The following AGMO variants were observed in gnomAD, a reference collection of about 807,000 sequenced individuals.
AGMO encodes the protein glyceryl-ether monooxygenase.
Under a neutral mutation model 60.2 loss-of-function variants are expected in AGMO, and 75 were observed. The ratio of observed to expected loss-of-function variants is 1.25; its 90% CI spans 1.03 to 1.51. AGMO has a LOEUF of 1.51. Among genes scored for constraint, AGMO ranks in the 40% most tolerant of loss-of-function variants. AGMO has a pLI of 0.00. For missense variants in AGMO, 763 were observed against 525.5 expected, an observed-to-expected ratio of 1.45 and a Z score of -4.42; for synonymous variants, 261 against 177.1, an observed-to-expected ratio of 1.47 and a Z score of -3.76.
chr7:15,204,067 T>C (rs1781377931), intron 12 of AGMO, among the ~76,000 whole-genome samples: 2 of 152,146 alleles, frequency 1.3e-5, no homozygotes. Context: ...TCTAAAAATA[T>C]GTGACTCTGA....
chr7:15,316,156 T>A (rs1234401360), intron 12 of AGMO, among the ~76,000 whole-genome samples: 1 of 152,128 alleles, frequency 6.6e-6, no homozygotes, highest in Admixed American at 6.6e-5. Flanking sequence ...ATCTTGGTAT[T>A]GGAGTTGCCA....
intron 3 of AGMO, among the ~76,000 whole-genome samples, chr7:15,472,157 T>C (rs528031515): frequency 1.3e-5 from 2 of 151,996 alleles, no homozygotes; most frequent in African/African-American, 2.4e-5. Flanking sequence ...ATCAAATGTA[T>C]AAACTTCACT....
At chr7:15,183,407 C>A in the AGMO span, among the ~76,000 whole-genome samples, 1 of 152,128 alleles carries the variant, frequency 6.6e-6, no homozygotes, top group Non-Finnish European at 1.5e-5. Flanking sequence ...TCATAATATT[C>A]TGATACAATT....
the AGMO span, among the ~76,000 whole-genome samples, chr7:15,154,333 G>GC: frequency 6.6e-6 from 1 of 152,116 alleles, no homozygotes; most frequent in East Asian, 1.9e-4. Flanking sequence ...GCAAAGAGGT[G>GC]CAAGATTTCT....
intron 6 of AGMO, 69 bp from the exon 7 acceptor site, chr7:15,390,974 G>A (rs1784115540): frequency 2.2e-6 from 2 of 927,378 alleles, no homozygotes. Flanking sequence ...CTTCCATCTT[G>A]TTTTTTAGAA....
chr7:15,218,327 A>ATATGTGTG (rs1554396498), intron 12 of AGMO, among the ~76,000 whole-genome samples: 11 of 144,020 alleles, frequency 7.6e-5, no homozygotes, highest in South Asian at 6.7e-4. Flanking sequence ...TGGTGTGTGT[A>ATATGTGTG]TGTGTGTGTG....
chr7:15,539,574 C>T (rs1032859316), intron 3 of AGMO, among the ~76,000 whole-genome samples: 2 of 152,104 alleles, frequency 1.3e-5, no homozygotes, highest in South Asian at 2.1e-4. Context: ...CATGTCTTTG[C>T]TATTGTGAAT....
intron 12 of AGMO, among the ~76,000 whole-genome samples, chr7:15,321,509 G>C (rs768280365): frequency 1.2e-4 from 18 of 152,176 alleles, no homozygotes; most frequent in Admixed American, 5.2e-4. Context: ...GAGTTCTTGA[G>C]AATGTTTTTG....
chr7:15,386,977 G>A (rs181712587), intron 9 of AGMO, among the ~76,000 whole-genome samples: 3 of 152,138 alleles, frequency 2.0e-5, no homozygotes, highest in Admixed American at 2.0e-4. Context: ...CTGTCTTAAT[G>A]TGACTTTAGA....
At chr7:15,393,380 T>C (rs1260840058) in intron 6 of AGMO, among the ~76,000 whole-genome samples, 1 of 152,252 alleles carries the variant, frequency 6.6e-6, no homozygotes, top group East Asian at 1.9e-4. Context: ...GTTTGTGAGA[T>C]TTATTCATGC....
At chr7:15,444,789 A>G (rs1050996992) in intron 3 of AGMO, among the ~76,000 whole-genome samples, 3 of 152,206 alleles carry the variant, frequency 2.0e-5, no homozygotes, top group Non-Finnish European at 4.4e-5. Flanking sequence ...GCTCCCAAGT[A>G]TGTATCTGCA....
chr7:15,164,135 T>C, the AGMO span, among the ~76,000 whole-genome samples: 1 of 151,868 alleles, frequency 6.6e-6, no homozygotes, highest in Non-Finnish European at 1.5e-5. Flanking sequence ...TCAACGAAAA[T>C]ATAGAATGGG....
Position 15,372,226 on chromosome 7 carries a change from G to A in AGMO, c.1075-6004C>T, listed in dbSNP as rs141294334. ...AGCACTTTACGACGCTGAGGTGAGC[G>A]GATCACTTGAGGTCAGGAGTTCAGG... On this transcript the variant is annotated intron_variant, in intron 10 of 12. Coordinates refer to ENST00000342526, the MANE Select transcript of AGMO (RefSeq NM_001004320.2). Among the ~76,000 whole-genome samples the A allele has an allele frequency of 3.9e-3, 589 of 152,050 alleles. 6 individuals are homozygous for A. Among genetic ancestry groups the A allele is most frequent in the African/African-American group, 0.014 (572 of 41,454 alleles).
intron 5 of AGMO, among the ~76,000 whole-genome samples, chr7:15,413,023 A>G (rs1780659068): frequency 6.6e-6 from 1 of 152,204 alleles, no homozygotes; most frequent in South Asian, 2.1e-4. Context: ...CAATTGAAGT[A>G]GACCTGAATA....
At chr7:15,364,553 C>G (rs1424924154) in intron 12 of AGMO, among the ~76,000 whole-genome samples, 2 of 151,982 alleles carry the variant, frequency 1.3e-5, no homozygotes, top group East Asian at 1.9e-4. Flanking sequence ...AATCTTACGT[C>G]ATGACAAATA....
At chr7:15,354,520 A>G (rs868805651) in intron 12 of AGMO, among the ~76,000 whole-genome samples, 2 of 94,692 alleles carry the variant, frequency 2.1e-5, no homozygotes, top group East Asian at 3.1e-4. Context: ...ATATATATAT[A>G]TATATATATA....
At chr7:15,466,881 C>G (rs7783003) in intron 3 of AGMO, among the ~76,000 whole-genome samples, 57,468 of 151,836 alleles carry the variant, frequency 0.38, 11,517 homozygotes, top group Non-Finnish European at 0.47. Context: ...CTGTCTTCTA[C>G]TATGTAAACA....
rs78835082 is a variant in AGMO at position 15,489,474 on chromosome 7, T to C, written c.409+55298A>G. ...CACATGTACAGTACATCCTGGACCT[T>C]TTGATGCTTTTGTCCTCCCTCCAAC... On this transcript the variant is annotated intron_variant, in intron 3 of 12. Coordinates refer to ENST00000342526, the MANE Select transcript of AGMO (RefSeq NM_001004320.2). 2.6e-3 allele frequency among the ~76,000 whole-genome samples: 391 copies of C among 152,286 alleles called. 4 individuals carry two copies. The highest frequency in any genetic ancestry group is 8.8e-3 in the African/African-American group (367 of 41,544).
At chr7:15,235,470 T>TAAG (rs1275857818) in intron 12 of AGMO, among the ~76,000 whole-genome samples, 5 of 152,136 alleles carry the variant, frequency 3.3e-5, no homozygotes, top group Admixed American at 3.3e-4. Context: ...CACTAGTGAG[T>TAAG]AAGTTTGATT....
Sources: gnomAD v4.1 joint callset for allele counts (sites outside exome capture counted in the v4.1 genomes callset) on GRCh38, gnomAD v4.1.1 for gene constraint, MANE v1.5 for transcripts, NCBI Gene and HGNC (gene_info 2026-07-23, HGNC 2026-07-21) for gene names.